Variants in CCSER1 observed in about 807,000 individuals in gnomAD.
The protein encoded by CCSER1 is coiled-coil serine rich protein 1, also known as serine-rich coiled-coil domain-containing protein 1.
In CCSER1, 41 loss-of-function variants were observed where a neutral mutation model predicts 82.0. That is an observed-to-expected ratio of 0.50 (90% CI 0.39 to 0.65). CCSER1 has a LOEUF of 0.65. CCSER1 is among the 30% of genes least tolerant of loss of function. CCSER1 has a pLI of 0.00. For missense variants in CCSER1, 1,119 were observed against 1,064.2 expected (o/e 1.05, Z -0.72); for synonymous variants, 414 against 383.9 (o/e 1.08, Z -0.92).
chr4:90,298,790 G>C (rs1732508657), intron 1 of CCSER1, among the ~76,000 whole-genome samples: 1 of 152,088 alleles, frequency 6.6e-6, no homozygotes, highest in Non-Finnish European at 1.5e-5. Flanking sequence ...TTTAAACCCA[G>C]CTGTTCTTGT....
At chr4:91,470,999 C>A (rs1301581793) in intron 10 of CCSER1, among the ~76,000 whole-genome samples, 1 of 152,132 alleles carries the variant, frequency 6.6e-6, no homozygotes, top group African/African-American at 2.4e-5. Flanking sequence ...AAATTAACTT[C>A]ATGGACTTTC....
intron 9 of CCSER1, among the ~76,000 whole-genome samples, chr4:90,932,456 A>G (rs997380589): frequency 2.6e-5 from 4 of 152,184 alleles, no homozygotes; most frequent in African/African-American, 9.6e-5. Context: ...TACCCTAAAT[A>G]TGAATGAATT....
At chr4:91,125,213 T>C (rs1727410532) in intron 10 of CCSER1, among the ~76,000 whole-genome samples, 1 of 151,726 alleles carries the variant, frequency 6.6e-6, no homozygotes, top group Non-Finnish European at 1.5e-5. Flanking sequence ...TGTATACAAT[T>C]AGCATGACAC....
intron 7 of CCSER1, among the ~76,000 whole-genome samples, chr4:90,786,082 G>A (rs1023869252): frequency 5.3e-5 from 8 of 152,102 alleles, no homozygotes; most frequent in Non-Finnish European, 8.8e-5. Context: ...GGGGCTGAGG[G>A]GGATTCTTCT....
At chr4:90,282,827 A>G (rs2153461414) in intron 1 of CCSER1, among the ~76,000 whole-genome samples, 1 of 152,036 alleles carries the variant, frequency 6.6e-6, no homozygotes, top group East Asian at 1.9e-4. Flanking sequence ...TGGTCACTGT[A>G]TTTCACAAGA....
intron 1 of CCSER1, among the ~76,000 whole-genome samples, chr4:90,298,587 G>T (rs947319869): frequency 2.0e-5 from 3 of 151,936 alleles, no homozygotes; most frequent in Admixed American, 6.6e-5. Flanking sequence ...TGTGATGTTA[G>T]GGTGTCAATT....
At chr4:90,723,681 A>T (rs1743100306) in intron 6 of CCSER1, among the ~76,000 whole-genome samples, 1 of 151,978 alleles carries the variant, frequency 6.6e-6, no homozygotes, top group Admixed American at 6.6e-5. Context: ...GATAAAATGC[A>T]CTTAAAATAT....
chr4:90,742,114 G>A (rs971174270), intron 7 of CCSER1, among the ~76,000 whole-genome samples: 2 of 151,950 alleles, frequency 1.3e-5, no homozygotes, highest in African/African-American at 4.8e-5. Flanking sequence ...AGAGAGAAAA[G>A]GGGGAAGTGC....
chr4:90,746,019 G>A (rs1457964984), intron 7 of CCSER1, among the ~76,000 whole-genome samples: 2 of 152,056 alleles, frequency 1.3e-5, no homozygotes, highest in Non-Finnish European at 2.9e-5. Context: ...TTTGGTATAT[G>A]TTTCCAACTC....
chr4:91,051,422 G>C (rs1049017401), intron 9 of CCSER1, among the ~76,000 whole-genome samples: 1 of 152,036 alleles, frequency 6.6e-6, no homozygotes, highest in African/African-American at 2.4e-5. Context: ...TTCATATATT[G>C]CTGTTAGAAA....
intron 1 of CCSER1, among the ~76,000 whole-genome samples, chr4:90,252,994 A>T (rs192507308): frequency 1.1e-3 from 163 of 152,046 alleles, no homozygotes; most frequent in African/African-American, 3.6e-3. Flanking sequence ...GTTTTTATTT[A>T]GTCTGACAAT....
intron 7 of CCSER1, among the ~76,000 whole-genome samples, chr4:90,729,857 C>T (rs1196827638): frequency 6.6e-6 from 1 of 152,098 alleles, no homozygotes; most frequent in Non-Finnish European, 1.5e-5. Flanking sequence ...GCCTGGGCTA[C>T]AGACCGAGAC....
chr4:91,151,898 G>A (rs1486129211), intron 10 of CCSER1, among the ~76,000 whole-genome samples: 4 of 152,204 alleles, frequency 2.6e-5, no homozygotes, highest in Non-Finnish European at 4.4e-5. Flanking sequence ...TTCCACCTAT[G>A]TGGTCAATTT....
At chr4:90,793,945 T>G (rs1017838473) in intron 7 of CCSER1, among the ~76,000 whole-genome samples, 6 of 152,242 alleles carry the variant, frequency 3.9e-5, no homozygotes, top group African/African-American at 1.4e-4. Context: ...ATATGATTGT[T>G]TGCTGAATGT....
At chr4:90,514,413 A>G (rs1251131524) in intron 5 of CCSER1, among the ~76,000 whole-genome samples, 1 of 152,184 alleles carries the variant, frequency 6.6e-6, no homozygotes, top group African/African-American at 2.4e-5. Flanking sequence ...AGTTCATAGG[A>G]CAATTTTAAT....
At chr4:91,505,136 C>G (rs898244674) in intron 10 of CCSER1, among the ~76,000 whole-genome samples, 1 of 152,136 alleles carries the variant, frequency 6.6e-6, no homozygotes, top group African/African-American at 2.4e-5. Flanking sequence ...GTTCCCTTCC[C>G]TGTGTCCATG....
chr4:90,541,306 G>A (rs957600304), intron 5 of CCSER1, among the ~76,000 whole-genome samples: 1 of 151,938 alleles, frequency 6.6e-6, no homozygotes, highest in Non-Finnish European at 1.5e-5. Flanking sequence ...TCTACCATTC[G>A]CTACTGCTCA....
intron 1 of CCSER1, among the ~76,000 whole-genome samples, chr4:90,240,411 C>G (rs142496754): frequency 6.6e-6 from 1 of 152,258 alleles, no homozygotes; most frequent in Non-Finnish European, 1.5e-5. Flanking sequence ...AGCAACCACA[C>G]GTTCTTATAC....
intron 9 of CCSER1, among the ~76,000 whole-genome samples, chr4:91,006,480 A>T (rs1051570169): frequency 1.0e-4 from 15 of 147,768 alleles, no homozygotes; most frequent in Non-Finnish European, 1.3e-4. Context: ...GATGCCTTTT[A>T]TTTCTTTTTT....
Sources: allele counts gnomAD v4.1 joint callset (sites outside exome capture counted in the v4.1 genomes callset), GRCh38; gene constraint gnomAD v4.1.1; transcripts MANE v1.5; gene names NCBI Gene and HGNC (gene_info 2026-07-23, HGNC 2026-07-21).